The following NAV2 variants were observed in gnomAD, a reference collection of about 807,000 sequenced individuals.
NAV2 encodes neuron navigator 2.
In NAV2, 54 loss-of-function variants were observed where a neutral mutation model predicts 223.2. That is an observed-to-expected ratio of 0.24 (90% CI 0.19 to 0.30). The LOEUF (loss-of-function observed/expected upper bound fraction) is 0.30. Ranked by LOEUF, NAV2 falls within the 10% of genes least tolerant of loss-of-function variation. NAV2 has a pLI of 1.00. For missense variants in NAV2, 2,806 were observed against 3,147.5 expected (o/e 0.89, Z 2.60); for synonymous variants, 1,279 against 1,239.3 (o/e 1.03, Z -0.67).
At chr11:19,406,086 G>C (rs995628933) in intron 1 of NAV2, among the ~76,000 whole-genome samples, 14 of 152,196 alleles carry the variant, frequency 9.2e-5, no homozygotes, top group Non-Finnish European at 2.1e-4. Context: ...CTGGTAGGTA[G>C]GGAGAGGTGA....
intron 1 of NAV2, among the ~76,000 whole-genome samples, chr11:19,563,514 A>G (rs1036166123): frequency 3.3e-5 from 5 of 151,390 alleles, no homozygotes; most frequent in African/African-American, 1.2e-4. Flanking sequence ...GAGCCCTTGG[A>G]TCGGGATGCA....
chr11:19,633,168 T>A (rs555200234), intron 1 of NAV2, among the ~76,000 whole-genome samples: 3 of 151,412 alleles, frequency 2.0e-5, no homozygotes, highest in Non-Finnish European at 4.4e-5. Flanking sequence ...CCTCCCTGTC[T>A]CTCCCAACTA....
intron 11 of NAV2, among the ~76,000 whole-genome samples, chr11:20,027,015 T>C (rs2153546669): frequency 6.6e-6 from 1 of 152,340 alleles, no homozygotes; most frequent in East Asian, 1.9e-4. Context: ...CTGACAACTG[T>C]AAATGTCGAT....
At chr11:19,475,622 A>G (rs964430904) in intron 1 of NAV2, among the ~76,000 whole-genome samples, 1 of 152,200 alleles carries the variant, frequency 6.6e-6, no homozygotes, top group African/African-American at 2.4e-5. Flanking sequence ...CCCTGGAGGC[A>G]AAGCAAACTA....
At chr11:19,705,084 C>T (rs1025943646) in intron 1 of NAV2, among the ~76,000 whole-genome samples, 11 of 84,258 alleles carry the variant, frequency 1.3e-4, no homozygotes, top group African/African-American at 4.4e-4. Flanking sequence ...GACCTCAATT[C>T]GTAGAAATAA....
At chr11:19,868,820 A>C in intron 3 of NAV2, 105 bp from the exon 4 acceptor site, 4 of 1,049,850 alleles carry the variant, frequency 3.8e-6, no homozygotes, top group Non-Finnish European at 5.6e-6. Context: ...GCGTTCGTTC[A>C]TCGGCCGTTT....
At chr11:19,381,713 C>T (rs994130237) in intron 1 of NAV2, among the ~76,000 whole-genome samples, 7 of 152,030 alleles carry the variant, frequency 4.6e-5, no homozygotes, top group African/African-American at 1.5e-4. Flanking sequence ...TATAAGTGGA[C>T]CAAAGAGAAA....
chr11:19,876,672 T>A (rs2062849543), intron 4 of NAV2, among the ~76,000 whole-genome samples: 1 of 152,174 alleles, frequency 6.6e-6, no homozygotes, highest in Non-Finnish European at 1.5e-5. Context: ...ACAGGACTGA[T>A]GCTGTTTGCA....
At chr11:19,500,132 C>G (rs1433896437) in intron 1 of NAV2, among the ~76,000 whole-genome samples, 1 of 152,144 alleles carries the variant, frequency 6.6e-6, no homozygotes, top group Non-Finnish European at 1.5e-5. Context: ...ATGGTATTTT[C>G]GGAGATATGT....
chr11:20,096,191 T>C (rs1171397564), intron 30 of NAV2, among the ~76,000 whole-genome samples: 4 of 152,244 alleles, frequency 2.6e-5, no homozygotes, highest in African/African-American at 9.6e-5. Flanking sequence ...CGGTATCCTG[T>C]GCCAACACTT....
rs559776787 is a variant in NAV2, at chr11:19,439,854, A to T, written c.75+88827A>T. On this transcript the variant is annotated intron_variant, in intron 1 of 37. Coordinates refer to the NAV2 transcript ENST00000360655. ...TGCGCTGAGCGTGATTTAATCTTCC[A>T]TTCATTCTGAACATCAGTCCTCATT... Among the ~76,000 whole-genome samples, 9 of 152,326 alleles carry T rather than the reference A, an allele frequency of 5.9e-5. No homozygotes were observed. In the South Asian group the frequency reaches 8.3e-4, roughly 14 times the overall value.
chr11:19,860,835 C>A (rs1214314648), intron 3 of NAV2, among the ~76,000 whole-genome samples: 2 of 151,988 alleles, frequency 1.3e-5, no homozygotes, highest in African/African-American at 4.8e-5. Flanking sequence ...TGGAGACCAG[C>A]CCGGCCAACA....
At chr11:19,908,545 C>A (rs185380610) in intron 6 of NAV2, among the ~76,000 whole-genome samples, 387 of 152,310 alleles carry the variant, frequency 2.5e-3, no homozygotes, top group African/African-American at 8.9e-3. Flanking sequence ...TCTGTGCTGT[C>A]TAATATGGTA....
intron 1 of NAV2, among the ~76,000 whole-genome samples, chr11:19,758,413 TAG>T (rs1248444661): frequency 1.3e-5 from 2 of 152,006 alleles, no homozygotes; most frequent in Non-Finnish European, 2.9e-5. Flanking sequence ...GTATGGGCAG[TAG>T]AGAGGGGCTG....
At chr11:20,117,183 C>T (rs75361035) in intron 37 of NAV2, among the ~76,000 whole-genome samples, 1,744 of 152,170 alleles carry the variant, frequency 0.011, 19 homozygotes, top group Non-Finnish European at 0.018. Flanking sequence ...AAAATACATA[C>T]ACACAATTTA....
chr11:19,986,545 G>A (rs1367696157), intron 11 of NAV2, among the ~76,000 whole-genome samples: 6 of 152,106 alleles, frequency 3.9e-5, no homozygotes, highest in Non-Finnish European at 4.4e-5. Context: ...GCTTGAACCC[G>A]GGAGGCAGAG....
chr11:19,364,548 G>A (rs1037822714), intron 1 of NAV2, among the ~76,000 whole-genome samples: 4 of 152,144 alleles, frequency 2.6e-5, no homozygotes, highest in Admixed American at 6.5e-5. Flanking sequence ...ATGTGAATGG[G>A]TCTTTAGCTC....
At chr11:19,379,451 T>A (rs1423602708) in intron 1 of NAV2, among the ~76,000 whole-genome samples, 1 of 152,234 alleles carries the variant, frequency 6.6e-6, no homozygotes, top group Admixed American at 6.5e-5. Flanking sequence ...CATTCACATC[T>A]GTACATCATA....
At chr11:19,745,903 G>A (rs150085158) in intron 1 of NAV2, among the ~76,000 whole-genome samples, 17 of 152,298 alleles carry the variant, frequency 1.1e-4, no homozygotes, top group African/African-American at 3.8e-4. Context: ...ATGGTTCAAG[G>A]TCTGGGGACC....
Sources: allele counts gnomAD v4.1 joint callset (sites outside exome capture counted in the v4.1 genomes callset), GRCh38; gene constraint gnomAD v4.1.1; transcripts MANE v1.5; gene names NCBI Gene and HGNC (gene_info 2026-07-23, HGNC 2026-07-21).